The following HCN1 variants were observed in gnomAD, a reference collection of about 807,000 sequenced individuals.
The protein encoded by HCN1 is hyperpolarization activated cyclic nucleotide gated potassium channel 1, also known as potassium/sodium hyperpolarization-activated cyclic nucleotide-gated channel 1.
In HCN1, 13 loss-of-function variants were observed where a neutral mutation model predicts 78.9. The observed-to-expected ratio is 0.16, with a 90% CI of 0.11 to 0.26. The LOEUF (loss-of-function observed/expected upper bound fraction) is 0.26. HCN1 is among the 10% of genes least tolerant of loss of function. The pLI is 1.00. For missense variants in HCN1, 810 were observed against 1,154.3 expected, an observed-to-expected ratio of 0.70 and a Z score of 4.32; for synonymous variants, 552 against 455.5, an observed-to-expected ratio of 1.21 and a Z score of -2.70.
chr5:45,544,574 A>G (rs756907357), intron 2 of HCN1, among the ~76,000 whole-genome samples: 11 of 150,488 alleles, frequency 7.3e-5, no homozygotes, highest in Admixed American at 2.0e-4. Flanking sequence ...TACATTAGGT[A>G]TACCTCCTAA....
At chr5:45,545,191 G>T (rs2111839686) in intron 2 of HCN1, among the ~76,000 whole-genome samples, 2 of 152,244 alleles carry the variant, frequency 1.3e-5, no homozygotes, top group Admixed American at 6.5e-5. Flanking sequence ...GCATTTCTCT[G>T]ATGGCCAGTG....
intron 2 of HCN1, among the ~76,000 whole-genome samples, chr5:45,473,595 T>C (rs1284522477): frequency 6.6e-6 from 1 of 151,592 alleles, no homozygotes; most frequent in Admixed American, 6.6e-5. Flanking sequence ...TTTCTTCCTA[T>C]ATAATCAGTG....
intron 4 of HCN1, among the ~76,000 whole-genome samples, chr5:45,359,941 G>GTATATATA (rs145289641): frequency 1.2e-4 from 18 of 146,988 alleles, no homozygotes; most frequent in African/African-American, 4.5e-4. Context: ...TTGACTTTGA[G>GTATATATA]TATATATATA....
intron 4 of HCN1, among the ~76,000 whole-genome samples, chr5:45,375,327 TTA>T (rs1339474177): frequency 8.4e-6 from 1 of 118,484 alleles, no homozygotes; most frequent in Non-Finnish European, 1.6e-5. Context: ...ATATAATATT[TTA>T]TGATATACAA....
At chr5:45,658,743 G>C (rs931656348) in intron 1 of HCN1, among the ~76,000 whole-genome samples, 2 of 152,020 alleles carry the variant, frequency 1.3e-5, no homozygotes, top group African/African-American at 4.8e-5. Flanking sequence ...GCACTTTTCA[G>C]ACCGGCTTAA....
At chr5:45,546,916 A>C (rs1743242487) in intron 2 of HCN1, among the ~76,000 whole-genome samples, 1 of 151,878 alleles carries the variant, frequency 6.6e-6, no homozygotes, top group Non-Finnish European at 1.5e-5. Context: ...AAAATCCTCT[A>C]CAGATTTTCA....
At chr5:45,381,571 T>C (rs754053799) in intron 4 of HCN1, among the ~76,000 whole-genome samples, 38 of 152,144 alleles carry the variant, frequency 2.5e-4, no homozygotes, top group Admixed American at 3.3e-4. Context: ...CTCCATTTCA[T>C]CCATCAGGGC....
At chr5:45,375,976 CAT>C (rs1254180085) in intron 4 of HCN1, among the ~76,000 whole-genome samples, 1 of 112,136 alleles carries the variant, frequency 8.9e-6, no homozygotes, top group African/African-American at 3.9e-5. Context: ...TATTTTATCA[CAT>C]ATATTATATA....
chr5:45,446,527 A>G (rs1392634826), intron 3 of HCN1, among the ~76,000 whole-genome samples: 2 of 152,170 alleles, frequency 1.3e-5, no homozygotes, highest in African/African-American at 4.8e-5. Context: ...GATTCAGGAA[A>G]TACAGAGAAC....
At chr5:45,489,299 G>T (rs1201138899) in intron 2 of HCN1, among the ~76,000 whole-genome samples, 2 of 152,160 alleles carry the variant, frequency 1.3e-5, no homozygotes, top group African/African-American at 4.8e-5. Flanking sequence ...TATAAACATT[G>T]TGCCTGAAAA....
chr5:45,689,650 T>C (rs1243637576), intron 1 of HCN1, among the ~76,000 whole-genome samples: 2 of 152,034 alleles, frequency 1.3e-5, no homozygotes, highest in African/African-American at 2.4e-5. Context: ...TTTACCCAAG[T>C]GGCTGGAACA....
At chr5:45,438,350 T>A (rs1740600668) in intron 3 of HCN1, among the ~76,000 whole-genome samples, 1 of 152,034 alleles carries the variant, frequency 6.6e-6, no homozygotes, top group Non-Finnish European at 1.5e-5. Flanking sequence ...TATGACACTT[T>A]GGGAGGCCGA....
intron 1 of HCN1, among the ~76,000 whole-genome samples, chr5:45,686,574 T>C (rs543240099): frequency 2.6e-5 from 4 of 152,324 alleles, no homozygotes; most frequent in African/African-American, 9.6e-5. Context: ...TTAGGTACTG[T>C]TGAACCAAGC....
At chr5:45,577,742 T>G (rs939067601) in intron 2 of HCN1, among the ~76,000 whole-genome samples, 1 of 152,086 alleles carries the variant, frequency 6.6e-6, no homozygotes, top group Admixed American at 6.6e-5. Context: ...ATTATAAAAC[T>G]TATCACATGA....
intron 2 of HCN1, among the ~76,000 whole-genome samples, chr5:45,637,009 A>G (rs548231658): frequency 6.6e-5 from 10 of 152,196 alleles, no homozygotes; most frequent in South Asian, 2.1e-4. Flanking sequence ...TTCAAAGTGT[A>G]TGTTCAACAA....
intron 5 of HCN1, among the ~76,000 whole-genome samples, chr5:45,345,611 T>G (rs1746685726): frequency 6.6e-6 from 1 of 152,226 alleles, no homozygotes; most frequent in Non-Finnish European, 1.5e-5. Context: ...GTCTCTTTGC[T>G]AAAGCATAAC....
At chr5:45,668,562 C>A (rs1746093953) in intron 1 of HCN1, among the ~76,000 whole-genome samples, 1 of 151,896 alleles carries the variant, frequency 6.6e-6, no homozygotes, top group Admixed American at 6.6e-5. Context: ...TGAAAACGGA[C>A]TGATACAGTC....
At chr5:45,300,461 A>C (rs1745589495) in intron 6 of HCN1, among the ~76,000 whole-genome samples, 1 of 152,058 alleles carries the variant, frequency 6.6e-6, no homozygotes, top group Non-Finnish European at 1.5e-5. Context: ...TATTATGATG[A>C]TCTATTTATT....
intron 2 of HCN1, chr5:45,559,697 G>A (rs1040839630): frequency 6.6e-6 from 1 of 152,222 alleles, no homozygotes; most frequent in Non-Finnish European, 1.5e-5. Context: ...ATGAGAACAT[G>A]AAGATTTTGA....
Sources: gnomAD v4.1 joint callset for allele counts (sites outside exome capture counted in the v4.1 genomes callset) on GRCh38, gnomAD v4.1.1 for gene constraint, MANE v1.5 for transcripts, NCBI Gene and HGNC (gene_info 2026-07-23, HGNC 2026-07-21) for gene names.